ZNF521: variants seen among roughly 807,000 people sequenced by gnomAD.
ZNF521 encodes the protein zinc finger protein 521, also known as LYST-interacting protein 3.
ZNF521 carries 14 observed loss-of-function variants against 105.5 expected under a neutral mutation model. The observed-to-expected ratio is 0.13, with a 90% CI of 0.09 to 0.21. The LOEUF (loss-of-function observed/expected upper bound fraction) is 0.21, where lower values mean the gene tolerates loss of function less well. Ranked by LOEUF, ZNF521 falls within the 10% of genes least tolerant of loss-of-function variation. The probability of loss-of-function intolerance (pLI) is 1.00; values close to 1 mark genes in which losing one functional copy is unlikely to be tolerated. For missense variants in ZNF521, 1,233 were observed against 1,629.7 expected, an observed-to-expected ratio of 0.76 and a Z score of 4.19; for synonymous variants, 635 against 606.0, an observed-to-expected ratio of 1.05 and a Z score of -0.70.
At chr18:25,215,412 AC>A (rs942954573) in intron 4 of ZNF521, among the ~76,000 whole-genome samples, 2 of 152,164 alleles carry the variant, frequency 1.3e-5, no homozygotes, top group Admixed American at 6.5e-5. Context: ...AGAGATCCAG[AC>A]ATCCGGAATA....
chr18:25,254,900 A>G (rs1600219012), intron 3 of ZNF521, among the ~76,000 whole-genome samples: 1 of 152,158 alleles, frequency 6.6e-6, no homozygotes, highest in Non-Finnish European at 1.5e-5. Flanking sequence ...AAAATGAACT[A>G]GCGCAGTGAA....
chr18:25,202,214 A>G (rs1600148794), intron 4 of ZNF521: 1 of 152,224 alleles, frequency 6.6e-6, no homozygotes, highest in East Asian at 1.9e-4. Context: ...TTTAAAAATT[A>G]GTTGGCCCTC....
chr18:25,248,756 T>C (rs912535392), intron 3 of ZNF521, among the ~76,000 whole-genome samples: 1 of 152,220 alleles, frequency 6.6e-6, no homozygotes, highest in Non-Finnish European at 1.5e-5. Context: ...GGGATACAAC[T>C]ACAAGTGCGC....
chr18:25,146,658 T>A (rs765157034), intron 5 of ZNF521, among the ~76,000 whole-genome samples: 14 of 152,184 alleles, frequency 9.2e-5, no homozygotes, highest in Non-Finnish European at 2.1e-4. Context: ...ACTATTTCTT[T>A]AGGGTCTATG....
intron 5 of ZNF521, among the ~76,000 whole-genome samples, chr18:25,103,490 G>A (rs1308255434): frequency 1.3e-5 from 2 of 152,268 alleles, no homozygotes; most frequent in Non-Finnish European, 2.9e-5. Context: ...GAGACTGCAT[G>A]CATAACCCAA....
intron 3 of ZNF521, among the ~76,000 whole-genome samples, chr18:25,237,640 C>T (rs114536298): frequency 2.6e-3 from 400 of 152,290 alleles, no homozygotes; most frequent in African/African-American, 9.3e-3. Flanking sequence ...TAATGAGACA[C>T]ATTGCTAATA....
At chr18:25,172,237 AG>A (rs932551077) in intron 5 of ZNF521, among the ~76,000 whole-genome samples, 11 of 152,258 alleles carry the variant, frequency 7.2e-5, no homozygotes, top group Non-Finnish European at 1.5e-4. Context: ...CACGCCTCCT[AG>A]GATTAGCTTC....
chr18:25,148,383 C>A (rs966043572), intron 5 of ZNF521, among the ~76,000 whole-genome samples: 5 of 152,136 alleles, frequency 3.3e-5, no homozygotes, highest in Non-Finnish European at 7.3e-5. Flanking sequence ...AGTTTTTGGT[C>A]ACTATGTATT....
At chr18:25,200,100 T>C (rs892278495) in intron 4 of ZNF521, among the ~76,000 whole-genome samples, 7 of 152,152 alleles carry the variant, frequency 4.6e-5, no homozygotes, top group African/African-American at 1.7e-4. Context: ...TTCTACTGTC[T>C]TTCACACACT....
At chr18:25,267,236 C>T (rs1909330493) in intron 3 of ZNF521, among the ~76,000 whole-genome samples, 1 of 152,206 alleles carries the variant, frequency 6.6e-6, no homozygotes, top group Non-Finnish European at 1.5e-5. Context: ...GATTCCTCCT[C>T]TCTGGGCAGG....
intron 7 of ZNF521, among the ~76,000 whole-genome samples, chr18:25,085,723 C>T (rs996669257): frequency 3.3e-5 from 5 of 151,426 alleles, no homozygotes; most frequent in African/African-American, 1.2e-4. Flanking sequence ...TTAACATTCC[C>T]TCATATATAT....
intron 3 of ZNF521, among the ~76,000 whole-genome samples, chr18:25,313,508 C>A (rs1285291381): frequency 6.6e-6 from 1 of 152,080 alleles, no homozygotes; most frequent in East Asian, 1.9e-4. Context: ...AAAACAAAAG[C>A]ACAGAAGTGA....
intron 5 of ZNF521, among the ~76,000 whole-genome samples, chr18:25,130,214 T>C (rs1483824111): frequency 2.0e-5 from 3 of 152,138 alleles, no homozygotes; most frequent in Non-Finnish European, 2.9e-5. Context: ...CAAATGCATA[T>C]TGTAAGTAAA....
chr18:25,080,898 T>A (rs1315169878), intron 7 of ZNF521, among the ~76,000 whole-genome samples: 1 of 152,246 alleles, frequency 6.6e-6, no homozygotes, highest in Non-Finnish European at 1.5e-5. Flanking sequence ...CCTCTCTAGA[T>A]TGCAGAATGT....
At chr18:25,257,161 G>T (rs1908577612) in intron 3 of ZNF521, among the ~76,000 whole-genome samples, 1 of 152,000 alleles carries the variant, frequency 6.6e-6, no homozygotes, top group Non-Finnish European at 1.5e-5. Context: ...TGAGGAAAGT[G>T]GAATTGATCA....
At chr18:25,248,208 A>G (rs1907862259) in intron 3 of ZNF521, among the ~76,000 whole-genome samples, 1 of 152,224 alleles carries the variant, frequency 6.6e-6, no homozygotes, top group Admixed American at 6.5e-5. Flanking sequence ...GTTAGAACAA[A>G]GTAGGCACCC....
At chr18:25,206,935 C>T (rs1336531915) in intron 4 of ZNF521, among the ~76,000 whole-genome samples, 1 of 152,128 alleles carries the variant, frequency 6.6e-6, no homozygotes, top group Admixed American at 6.6e-5. Flanking sequence ...TTCACTTTAC[C>T]TATTCTAGAA....
chr18:25,350,086 A>G (rs1264303802), intron 2 of ZNF521, among the ~76,000 whole-genome samples: 1 of 151,866 alleles, frequency 6.6e-6, no homozygotes, highest in Non-Finnish European at 1.5e-5. Context: ...ACATTCCAAC[A>G]CAGCCATCAG....
At chr18:25,344,244 A>G (rs1914362107) in intron 2 of ZNF521, among the ~76,000 whole-genome samples, 1 of 147,948 alleles carries the variant, frequency 6.8e-6, no homozygotes, top group South Asian at 2.1e-4. Context: ...TAGTTTTCAG[A>G]GATTTATCTT....
Sources: gnomAD v4.1 joint callset for allele counts (sites outside exome capture counted in the v4.1 genomes callset) on GRCh38, gnomAD v4.1.1 for gene constraint, MANE v1.5 for transcripts, NCBI Gene and HGNC (gene_info 2026-07-23, HGNC 2026-07-21) for gene names.